The following HS3ST5 variants were observed in gnomAD, a reference collection of about 807,000 sequenced individuals.
HS3ST5 encodes the protein heparan sulfate-glucosamine 3-sulfotransferase 5, also known as heparan sulfate glucosamine 3-O-sulfotransferase 5.
In HS3ST5, 10 loss-of-function variants were observed where a neutral mutation model predicts 25.4. That is an observed-to-expected ratio of 0.39 (90% CI 0.24 to 0.67). HS3ST5 has a LOEUF of 0.67. Among genes scored for constraint, HS3ST5 ranks in the 30% least tolerant of loss-of-function variants. HS3ST5 has a pLI of 0.44. For missense variants in HS3ST5, 324 were observed against 420.7 expected, an observed-to-expected ratio of 0.77 and a Z score of 2.01; for synonymous variants, 170 against 162.4, an observed-to-expected ratio of 1.05 and a Z score of -0.36.
intron 3 of HS3ST5, among the ~76,000 whole-genome samples, chr6:114,078,208 T>C (rs768769681): frequency 1.3e-5 from 2 of 152,116 alleles, no homozygotes; most frequent in African/African-American, 2.4e-5. Flanking sequence ...TTTCTTTTTC[T>C]TTTTCTTTTT....
chr6:114,275,687 C>T (rs1170803937), intron 1 of HS3ST5, among the ~76,000 whole-genome samples: 8 of 151,996 alleles, frequency 5.3e-5, no homozygotes, highest in African/African-American at 1.9e-4. Flanking sequence ...TGAAAGCAGC[C>T]ATCCACAGCA....
chr6:114,267,896 CT>C (rs1231343460), intron 1 of HS3ST5, among the ~76,000 whole-genome samples: 2 of 152,158 alleles, frequency 1.3e-5, no homozygotes, highest in African/African-American at 4.8e-5. Context: ...TTAACCTCCC[CT>C]GTTCTAGTTC....
chr6:114,121,100 A>C (rs1194483475), intron 3 of HS3ST5, among the ~76,000 whole-genome samples: 1 of 152,270 alleles, frequency 6.6e-6, no homozygotes, highest in Admixed American at 6.5e-5. Flanking sequence ...AAAAACTTTC[A>C]AACTCTAATG....
At chr6:114,320,421 G>A (rs138889537) in intron 1 of HS3ST5, among the ~76,000 whole-genome samples, 3 of 152,048 alleles carry the variant, frequency 2.0e-5, no homozygotes, top group Admixed American at 6.6e-5. Context: ...CTAGTTCAGG[G>A]GAGCTACTGA....
At chr6:114,295,930 C>T (rs537115418) in intron 1 of HS3ST5, among the ~76,000 whole-genome samples, 35 of 152,228 alleles carry the variant, frequency 2.3e-4, no homozygotes, top group African/African-American at 7.9e-4. Flanking sequence ...GTATGTCCCA[C>T]GGGTTTCTAC....
intron 1 of HS3ST5, among the ~76,000 whole-genome samples, chr6:114,297,014 T>A (rs1192962784): frequency 6.6e-6 from 1 of 151,654 alleles, no homozygotes; most frequent in Non-Finnish European, 1.5e-5. Flanking sequence ...CAAGAAAAAA[T>A]AAAAATAAAA....
At chr6:114,073,254 C>G (rs955901973) in intron 3 of HS3ST5, among the ~76,000 whole-genome samples, 1 of 152,170 alleles carries the variant, frequency 6.6e-6, no homozygotes, top group Non-Finnish European at 1.5e-5. Flanking sequence ...GACTAAAACA[C>G]CAAAAGCAAT....
At chr6:114,207,875 A>T (rs1278747782) in intron 2 of HS3ST5, among the ~76,000 whole-genome samples, 2 of 152,150 alleles carry the variant, frequency 1.3e-5, no homozygotes, top group African/African-American at 4.8e-5. Flanking sequence ...ATACTACTCT[A>T]TATCATACTA....
chr6:114,191,289 T>C (rs1454490881), intron 2 of HS3ST5, among the ~76,000 whole-genome samples: 2 of 152,168 alleles, frequency 1.3e-5, no homozygotes, highest in Admixed American at 1.3e-4. Flanking sequence ...AAAATGAAAA[T>C]ATACTTAAAT....
intron 1 of HS3ST5, among the ~76,000 whole-genome samples, chr6:114,311,946 G>A (rs1200272073): frequency 1.3e-5 from 2 of 152,096 alleles, no homozygotes; most frequent in African/African-American, 4.8e-5. Flanking sequence ...TTAGCATTCT[G>A]CTTTGAAAGT....
chr6:114,120,666 A>T (rs2114874985), intron 3 of HS3ST5, among the ~76,000 whole-genome samples: 1 of 149,854 alleles, frequency 6.7e-6, no homozygotes, highest in African/African-American at 2.5e-5. Context: ...CTAGTAAGTC[A>T]CATGGAAGAT....
At chr6:114,106,663 C>G (rs1776009692) in intron 3 of HS3ST5, among the ~76,000 whole-genome samples, 1 of 152,036 alleles carries the variant, frequency 6.6e-6, no homozygotes, top group African/African-American at 2.4e-5. Flanking sequence ...AAAAAACTTC[C>G]TTGCTGGTTT....
chr6:114,317,864 G>T (rs960230660), intron 1 of HS3ST5, among the ~76,000 whole-genome samples: 5 of 152,000 alleles, frequency 3.3e-5, no homozygotes, highest in Non-Finnish European at 7.4e-5. Flanking sequence ...GGTGGCTAGC[G>T]ATCTGACTAC....
intron 3 of HS3ST5, among the ~76,000 whole-genome samples, chr6:114,076,747 GA>G (rs1406269455): frequency 6.6e-6 from 1 of 152,290 alleles, no homozygotes; most frequent in Middle Eastern, 3.4e-3. Flanking sequence ...AACAAATGAA[GA>G]GGGGCACAGG....
At chr6:114,212,780 T>C (rs2114441666) in intron 2 of HS3ST5, among the ~76,000 whole-genome samples, 1 of 152,286 alleles carries the variant, frequency 6.6e-6, no homozygotes, top group African/African-American at 2.4e-5. Context: ...TCTTTTGAAA[T>C]GGGATAGCTC....
At chr6:114,192,885 A>C (rs943089610) in intron 2 of HS3ST5, among the ~76,000 whole-genome samples, 2 of 152,172 alleles carry the variant, frequency 1.3e-5, no homozygotes, top group African/African-American at 4.8e-5. Context: ...ATGCAACAGA[A>C]AGTGATTTTA....
chr6:114,144,301 T>C (rs1267443373), intron 3 of HS3ST5, among the ~76,000 whole-genome samples: 8 of 152,006 alleles, frequency 5.3e-5, no homozygotes, highest in African/African-American at 1.7e-4. Flanking sequence ...TTGGATGACC[T>C]ATGACCGATA....
intron 2 of HS3ST5, among the ~76,000 whole-genome samples, chr6:114,176,056 A>G (rs1046192066): frequency 5.9e-5 from 9 of 152,214 alleles, no homozygotes; most frequent in African/African-American, 2.2e-4. Context: ...AACAATTTCA[A>G]GGCAATAATA....
chr6:114,220,741 G>A (rs1781991707), intron 2 of HS3ST5: 1 of 151,918 alleles, frequency 6.6e-6, no homozygotes, highest in Admixed American at 6.6e-5. Context: ...CTTAGCTTCT[G>A]AGATCTGATG....
Sources: allele counts gnomAD v4.1 joint callset (sites outside exome capture counted in the v4.1 genomes callset), GRCh38; gene constraint gnomAD v4.1.1; transcripts MANE v1.5; gene names NCBI Gene and HGNC (gene_info 2026-07-23, HGNC 2026-07-21).